Variants in TRERF1 observed in about 807,000 individuals in gnomAD.
TRERF1 encodes the protein transcriptional-regulating factor 1.
A neutral mutation model predicts 122.9 loss-of-function variants in TRERF1; 27 were observed. That is an observed-to-expected ratio of 0.22 (90% CI 0.16 to 0.30). The LOEUF is 0.30. Among genes scored for constraint, TRERF1 ranks in the 10% least tolerant of loss-of-function variants. The pLI is 1.00. For missense variants in TRERF1, 1,248 were observed against 1,560.3 expected (o/e 0.80, Z 3.37); for synonymous variants, 636 against 641.7 (o/e 0.99, Z 0.13).
intron 2 of TRERF1, among the ~76,000 whole-genome samples, chr6:42,390,387 C>T (rs1163121381): frequency 6.6e-6 from 1 of 152,112 alleles, no homozygotes; most frequent in African/African-American, 2.4e-5. Flanking sequence ...GAGGCACAAC[C>T]ATTTAAAACA....
intron 4 of TRERF1, among the ~76,000 whole-genome samples, chr6:42,287,580 A>G (rs1377614884): frequency 6.6e-6 from 1 of 152,002 alleles, no homozygotes. Context: ...AAACTTTCAC[A>G]CGTCCCCCCT....
chr6:42,401,738 G>A (rs146055881), intron 2 of TRERF1, among the ~76,000 whole-genome samples: 1 of 152,280 alleles, frequency 6.6e-6, no homozygotes, highest in East Asian at 1.9e-4. Flanking sequence ...ACCTGCAAGA[G>A]GGAACATGCT....
intron 4 of TRERF1, among the ~76,000 whole-genome samples, chr6:42,292,742 C>T (rs764726060): frequency 2.3e-4 from 35 of 152,064 alleles, no homozygotes; most frequent in Non-Finnish European, 4.7e-4. Context: ...GGAAATGAGA[C>T]GCAATTATTT....
intron 13 of TRERF1, among the ~76,000 whole-genome samples, chr6:42,251,306 T>C (rs1387215358): frequency 6.6e-6 from 1 of 152,196 alleles, no homozygotes; most frequent in Non-Finnish European, 1.5e-5. Context: ...CCATTGATGA[T>C]GTTTTGAAGT....
chr6:42,376,734 G>T (rs912576390), intron 2 of TRERF1, among the ~76,000 whole-genome samples: 1 of 151,102 alleles, frequency 6.6e-6, no homozygotes, highest in Non-Finnish European at 1.5e-5. Context: ...GTAGAGACGG[G>T]GTTTCACCAT....
At chr6:42,398,640 A>G (rs1048616816) in intron 2 of TRERF1, among the ~76,000 whole-genome samples, 2 of 152,144 alleles carry the variant, frequency 1.3e-5, no homozygotes, top group African/African-American at 4.8e-5. Flanking sequence ...TCATTCCCCA[A>G]ACCTTCTGGG....
chr6:42,272,427 G>A (rs746415120), intron 4 of TRERF1, among the ~76,000 whole-genome samples: 1 of 152,222 alleles, frequency 6.6e-6, no homozygotes, highest in Non-Finnish European at 1.5e-5. Flanking sequence ...CTGAGCTTCA[G>A]AAGCAAGGAG....
intron 4 of TRERF1, among the ~76,000 whole-genome samples, chr6:42,287,905 A>G (rs1783557302): frequency 1.3e-5 from 2 of 151,906 alleles, no homozygotes; most frequent in Non-Finnish European, 2.9e-5. Flanking sequence ...AGCCCTCACA[A>G]TCTGGTCTCA....
chr6:42,303,169 G>A (rs1786522999), intron 3 of TRERF1, among the ~76,000 whole-genome samples: 1 of 152,198 alleles, frequency 6.6e-6, no homozygotes, highest in Non-Finnish European at 1.5e-5. Flanking sequence ...GTATGTACTA[G>A]GCAAATGCAA....
chr6:42,421,147 C>G (rs1410951809), intron 2 of TRERF1, among the ~76,000 whole-genome samples: 1 of 152,204 alleles, frequency 6.6e-6, no homozygotes, highest in Non-Finnish European at 1.5e-5. Context: ...ATGCCTACCT[C>G]ATTGGGTCGT....
intron 2 of TRERF1, among the ~76,000 whole-genome samples, chr6:42,395,444 G>A (rs185121840): frequency 6.6e-4 from 100 of 152,260 alleles, no homozygotes; most frequent in African/African-American, 2.3e-3. Context: ...GATTGAGCCC[G>A]CAGGAAGGCT....
In TRERF1 at chr6:42,268,673, CTGCTGTGGCGGCGGCTGT is replaced by C; in HGVS notation, c.900_917del (p.Pro302_Gln307del). The C allele has an allele frequency of 6.2e-7, 1 of 1,614,136 alleles. No individual in the cohort carries two copies. Among genetic ancestry groups the C allele is most frequent in the Admixed American group, 1.7e-5 (1 of 60,018 alleles). On this transcript the variant is annotated inframe_deletion, in exon 5 of 18. Transcript: ENST00000372922. The surrounding 1 kb of genome is among the most constrained non-coding windows in gnomAD (Gnocchi z 4.4). ...GCAGCTGTAGCTGCTGCGGCTGCTGCTGCTGTGGCGGCGGCTGTGGCTGTGATGGGCGAATTTGTTGCG... is the reference window on the plus strand; with the variant it reads ...GCAGCTGTAGCTGCTGCGGCTGCTGCGGCTGTGATGGGCGAATTTGTTGCG...
At chr6:42,392,931 T>TACACAC (rs58784390) in intron 2 of TRERF1, among the ~76,000 whole-genome samples, 2,504 of 148,076 alleles carry the variant, frequency 0.017, 18 homozygotes, top group South Asian at 0.034. Context: ...TACACACACA[T>TACACAC]ACACACACAC....
intron 2 of TRERF1, among the ~76,000 whole-genome samples, chr6:42,405,233 T>A (rs1010827117): frequency 3.9e-5 from 6 of 152,168 alleles, no homozygotes; most frequent in African/African-American, 1.4e-4. Flanking sequence ...TGTGTTCCAG[T>A]GAGGTCACTT....
chr6:42,412,788 T>A (rs260289), intron 2 of TRERF1, among the ~76,000 whole-genome samples: 145,217 of 152,060 alleles, frequency 0.95, 69,607 homozygotes, highest in Non-Finnish European at 1. Context: ...TTAATTAATT[T>A]AAAAAAATTA....
At chr6:42,361,611 A>G (rs1194329992) in intron 3 of TRERF1, among the ~76,000 whole-genome samples, 4 of 152,170 alleles carry the variant, frequency 2.6e-5, no homozygotes, top group Non-Finnish European at 1.5e-5. Context: ...ACCATCCCTC[A>G]CAGCCGGCAC....
intron 2 of TRERF1, among the ~76,000 whole-genome samples, chr6:42,424,095 C>T (rs1156431635): frequency 1.3e-5 from 2 of 152,316 alleles, no homozygotes; most frequent in Non-Finnish European, 2.9e-5. Context: ...AACAATCTAT[C>T]ACATGACAAC....
intron 3 of TRERF1, among the ~76,000 whole-genome samples, chr6:42,338,060 G>T (rs1279482617): frequency 2.0e-5 from 3 of 152,162 alleles, no homozygotes; most frequent in Non-Finnish European, 2.9e-5. Context: ...GCACGTGAAG[G>T]TCTAGGAAGT....
chr6:42,252,377 C>T (rs113558433), intron 13 of TRERF1, among the ~76,000 whole-genome samples: 160 of 152,322 alleles, frequency 1.1e-3, no homozygotes, highest in Non-Finnish European at 1.4e-3. Flanking sequence ...TTACAGCCTC[C>T]CGCCCTGACA....
Sources: allele counts gnomAD v4.1 joint callset (sites outside exome capture counted in the v4.1 genomes callset), GRCh38; gene constraint gnomAD v4.1.1; non-coding constraint Gnocchi (gnomAD v3.1); transcripts MANE v1.5; gene names NCBI Gene and HGNC (gene_info 2026-07-23, HGNC 2026-07-21).